CCDC61: variants seen among roughly 807,000 people sequenced by gnomAD.
CCDC61 encodes the protein centrosomal protein CCDC61.
CCDC61 carries 55 observed loss-of-function variants against 63.0 expected under a neutral mutation model. The observed-to-expected ratio is 0.87, with a 90% CI of 0.70 to 1.09. CCDC61 has a LOEUF of 1.09. Among genes scored for constraint, CCDC61 ranks in the 50% least tolerant of loss-of-function variants. The probability of loss-of-function intolerance (pLI) is 0.00; values close to 1 mark genes in which losing one functional copy is unlikely to be tolerated. For synonymous variants in CCDC61, 270 were observed against 317.0 expected (o/e 0.85, Z 1.58); for missense variants, 651 against 731.4 (o/e 0.89, Z 1.27).
Position 46,003,427 on chromosome 19 carries a change from G to T in CCDC61, c.157G>T (p.Asp53Tyr). 1 of 1,587,558 alleles carries T rather than the reference G, an allele frequency of 6.3e-7. No homozygotes were observed. The highest frequency in any genetic ancestry group is 8.6e-7 in the Non-Finnish European group (1 of 1,164,196). ...RGEFDAGFIE[D>Y]LTHKTGNFKQ... ...CTTTTCTCCCCACCCAGTCATTGAA[G>T]ATTTGACTCACAAGACAGGGAACTT... The change falls in exon 3 of 14, where the codon GAT becomes TAT. Residue 53 changes from aspartate to tyrosine, a missense_variant. Asp to Tyr is a radical substitution (Grantham distance 160). Coordinates refer to ENST00000595358, the MANE Select transcript of CCDC61 (RefSeq NM_001267723.2).
At chr19:46,013,536 A>G (rs1379623839) in intron 5 of CCDC61, among the ~76,000 whole-genome samples, 2 of 152,160 alleles carry the variant, frequency 1.3e-5, no homozygotes, top group Admixed American at 1.3e-4. Flanking sequence ...CTTAAACAAT[A>G]CCAGTGTAAT....
chr19:46,002,321 A>G (rs551624420), intron 1 of CCDC61, among the ~76,000 whole-genome samples: 1 of 152,186 alleles, frequency 6.6e-6, no homozygotes, highest in East Asian at 1.9e-4. Context: ...ACTTTTCTCC[A>G]CAAATGTTTG....
chr19:46,012,649 A>G (rs555580315), intron 5 of CCDC61, among the ~76,000 whole-genome samples: 18 of 136,568 alleles, frequency 1.3e-4, no homozygotes, highest in Middle Eastern at 7.2e-3. Flanking sequence ...TCTATGTGGA[A>G]AAAAAAAAAA....
chr19:45,997,774 C>A (rs1419825909), intron 1 of CCDC61, among the ~76,000 whole-genome samples: 1 of 152,112 alleles, frequency 6.6e-6, no homozygotes, highest in Non-Finnish European at 1.5e-5. Context: ...ACAACCTACG[C>A]CTCCCAAGTT....
Position 46,016,872 on chromosome 19 carries a change from GACTGGGCGGGGCTGGGCGGGCTGGGAGGC to G in CCDC61, c.1231+47_1231+75del, listed in dbSNP as rs1385123514. The G allele has an allele frequency of 6.8e-6, 10 of 1,473,016 alleles. No individual in the cohort carries two copies. The highest frequency in any genetic ancestry group is 6.3e-5 in the Admixed American group (3 of 47,548). The allele number at this position is 1,473,016 out of a possible 1,614,324, so 91.2% of individuals were successfully genotyped here. A position where few individuals can be genotyped will look rare whatever the true frequency, so the allele number is the denominator to read the frequency against. On this transcript the variant is annotated intron_variant, in intron 10 of 13. Transcript: ENST00000595358. This position sits in a 1 kb window ranked among gnomAD's most constrained non-coding sequence, Gnocchi z 7.2. Reference sequence around the variant, plus strand: ...AGCTGGGGGCTGCCGGGCTAGGCGGGACTGGGCGGGGCTGGGCGGGCTGGGAGGCACTGGGCAGGGCGGGCGGGCTGGGA... The same window carrying G: ...AGCTGGGGGCTGCCGGGCTAGGCGGGACTGGGCAGGGCGGGCGGGCTGGGA...
In CCDC61 at chr19:46,015,522, A is replaced by T; in HGVS notation, c.845+95A>T. ...GAGCCTAAGGGGGCGGGGCGGGGCC[A>T]GGTAGGGTGGAGGGGGCGGGGCTGA... On this transcript the variant is annotated intron_variant, in intron 7 of 13. Coordinates refer to ENST00000595358, the MANE Select transcript of CCDC61 (RefSeq NM_001267723.2). The surrounding 1 kb of genome is among the most constrained non-coding windows in gnomAD (Gnocchi z 5.3). 2 of 24,036 alleles carry T rather than the reference A, an allele frequency of 8.3e-5. No homozygotes were observed. Among genetic ancestry groups the T allele is most frequent in the Non-Finnish European group, 1.3e-4 (2 of 15,702 alleles). 1.5% of individuals were successfully genotyped at this position (24,036 alleles called of 1,614,324 possible).
chr19:46,016,792 G>T lies in CCDC61; in HGVS notation c.1190G>T (p.Arg397Leu), dbSNP rs776525592. 3 of 1,544,482 alleles carry T rather than the reference G, an allele frequency of 1.9e-6. No homozygotes were observed. The highest frequency in any genetic ancestry group is 8.7e-7 in the Non-Finnish European group (1 of 1,145,058). Reference sequence around the variant, plus strand: ...CAGCCCCCTGCTGCCTTGACTGGCCGAGGGGACGCCCCTAACCGCTCCCGA... The same window carrying T: ...CAGCCCCCTGCTGCCTTGACTGGCCTAGGGGACGCCCCTAACCGCTCCCGA... ...QTQPPAALTG[R>L]GDAPNRSRNR... Residue 397 changes from arginine to leucine, a missense_variant, in exon 10 of 14, where the codon CGA becomes CTA. Coordinates refer to ENST00000595358, the MANE Select transcript of CCDC61 (RefSeq NM_001267723.2). This position sits in a 1 kb window ranked among gnomAD's most constrained non-coding sequence, Gnocchi z 7.2.
rs2146488946 is a variant in CCDC61 at position 46,016,455 on chromosome 19, C to T, written c.1091+62C>T. 2 of 1,562,844 alleles carry T rather than the reference C, an allele frequency of 1.3e-6. No individual in the cohort carries two copies. The highest frequency in any genetic ancestry group is 4.5e-5 in the East Asian group (2 of 44,560). On this transcript the variant is annotated intron_variant, in intron 9 of 13. Coordinates refer to ENST00000595358, the MANE Select transcript of CCDC61 (RefSeq NM_001267723.2). The surrounding 1 kb of genome is among the most constrained non-coding windows in gnomAD (Gnocchi z 7.2). Reference sequence around the variant, plus strand: ...TGGCCCGTGCCCGCTCCCGGGCTCTCATCTCTCCACGCCACCATCAGTCTC... The same window carrying T: ...TGGCCCGTGCCCGCTCCCGGGCTCTTATCTCTCCACGCCACCATCAGTCTC...
intron 5 of CCDC61, among the ~76,000 whole-genome samples, chr19:46,013,586 G>C (rs1164921242): frequency 1.3e-5 from 2 of 152,012 alleles, no homozygotes; most frequent in African/African-American, 4.8e-5. Context: ...AACATTTCCA[G>C]GGCCGGGTGC....
Position 46,006,661 on chromosome 19 carries a change from G to C in CCDC61, c.334G>C (p.Ala112Pro). ...CCCAGGCTCCTTGGCCCCCAGGTCG[G>C]CCCAGCTCAACTCCAAGCGCTACCT... ...GRPGSLAPRS[A>P]QLNSKRYLIL... Residue 112 changes from alanine to proline, a missense_variant, in exon 4 of 14, where the codon GCC (alanine) becomes CCC (proline). Coordinates refer to ENST00000595358, the MANE Select transcript of CCDC61 (RefSeq NM_001267723.2). The C allele has an allele frequency of 1.9e-6, 3 of 1,613,754 alleles. No homozygotes were observed. Among genetic ancestry groups the C allele is most frequent in the Non-Finnish European group, 2.5e-6 (3 of 1,179,772 alleles).
At chr19:46,017,926 T>A (rs1157710332) in intron 12 of CCDC61, among the ~76,000 whole-genome samples, 152 bp from the exon 13 acceptor site, 2 of 151,966 alleles carry the variant, frequency 1.3e-5, no homozygotes, top group African/African-American at 4.8e-5. Flanking sequence ...TGTGAGGACA[T>A]TAGGAGGTTA....
In CCDC61 at chr19:46,006,620, G is replaced by A. The variant is rs377508784; in HGVS notation, c.293G>A (p.Arg98His). 6.2e-6 allele frequency: 10 copies of A among 1,613,670 alleles called. No individual in the cohort carries two copies. The highest frequency in any genetic ancestry group is 7.6e-6 in the Non-Finnish European group (9 of 1,179,730). ...ACAGACCTGGAGTCCCTGCGGAACCGCAAGATGGGGGGCCGCCCAGGCTCC... is the reference window on the plus strand; with the variant it reads ...ACAGACCTGGAGTCCCTGCGGAACCACAAGATGGGGGGCCGCCCAGGCTCC... The part of the protein sequence containing the change: ...TYTDLESLRN[R>H]KMGGRPGSLA... Residue 98 changes from arginine (R) to histidine (H), a missense_variant, in exon 4 of 14, where the codon CGC becomes CAC. Arg to His is a conservative substitution (Grantham distance 29). Coordinates refer to ENST00000595358, the MANE Select transcript of CCDC61 (RefSeq NM_001267723.2).
intron 1 of CCDC61, chr19:45,999,986 G>T (rs928982823): frequency 1.0e-5 from 10 of 981,166 alleles, no homozygotes; most frequent in African/African-American, 3.5e-5. Flanking sequence ...ACTGGGAGAG[G>T]CTCAGGACTG....
At position 46,009,816 on chromosome 19, in the gene CCDC61, A is replaced by G. The variant is rs561380829; in HGVS notation, c.551+1515A>G. Among the ~76,000 whole-genome samples, 518 of 113,308 alleles carry G rather than the reference A, an allele frequency of 4.6e-3. 10 individuals are homozygous for G. Among genetic ancestry groups the G allele is most frequent in the Admixed American group, 0.032 (409 of 12,928 alleles). 74.3% of individuals were successfully genotyped at this position (113,308 alleles called of 152,430 possible). A position where few individuals can be genotyped will look rare whatever the true frequency, so the allele number is the denominator to read the frequency against. On this transcript the variant is annotated intron_variant, in intron 5 of 13. Transcript: ENST00000595358. ...CTGCTCTCAGGCTGTGTGTGTGTGT[A>G]TGTGTGTGTGTGTGTGTGTGTGCGC... is the stretch of plus-strand genomic sequence containing the variant.
intron 1 of CCDC61, among the ~76,000 whole-genome samples, chr19:46,002,466 G>A (rs573805409): frequency 9.4e-5 from 14 of 148,822 alleles, no homozygotes; most frequent in Admixed American, 8.8e-4. Flanking sequence ...ACTGAGTCAG[G>A]GTCTCACTCT....
chr19:46,006,723 A>G lies in CCDC61; in HGVS notation c.389+7A>G. ...ACTCCGTGGAGTTTGACAGGTGGGG[A>G]GAAGGGTCTGGCTCCAGGGCCAGGC... On this transcript the variant is annotated splice_region_variant and intron_variant, in intron 4 of 13. Coordinates refer to ENST00000595358, the MANE Select transcript of CCDC61 (RefSeq NM_001267723.2). 1 of 1,599,390 alleles carries G rather than the reference A, an allele frequency of 6.3e-7. No individual in the cohort carries two copies. Among genetic ancestry groups the G allele is most frequent in the Non-Finnish European group, 8.6e-7 (1 of 1,169,254 alleles).
At chr19:45,997,694 T>A (rs917135267) in intron 1 of CCDC61, among the ~76,000 whole-genome samples, 5 of 126,386 alleles carry the variant, frequency 4.0e-5, no homozygotes, top group African/African-American at 1.2e-4. Flanking sequence ...CTGGGCCTAT[T>A]ATTATTTTTT....
chr19:46,004,786 A>T (rs1357632905), intron 3 of CCDC61, among the ~76,000 whole-genome samples: 1 of 151,520 alleles, frequency 6.6e-6, no homozygotes, highest in Non-Finnish European at 1.5e-5. Context: ...ATCAGGGGGA[A>T]GAAGCAGGTT....
At chr19:46,003,803 C>T (rs1968640694) in intron 3 of CCDC61, among the ~76,000 whole-genome samples, 1 of 147,884 alleles carries the variant, frequency 6.8e-6, no homozygotes, top group Admixed American at 6.9e-5. Context: ...CTCCATGTCT[C>T]TGTTTGTTTC....
Sources: allele counts gnomAD v4.1 joint callset (sites outside exome capture counted in the v4.1 genomes callset), GRCh38; gene constraint gnomAD v4.1.1; non-coding constraint Gnocchi (gnomAD v3.1); transcripts MANE v1.5; gene names NCBI Gene and HGNC (gene_info 2026-07-23, HGNC 2026-07-21).